CNTN5: variants seen among roughly 807,000 people sequenced by gnomAD.
CNTN5 encodes contactin-5.
CNTN5 carries 77 observed loss-of-function variants against 129.1 expected under a neutral mutation model. That is an observed-to-expected ratio of 0.60 (90% confidence interval 0.50 to 0.72). The LOEUF (loss-of-function observed/expected upper bound fraction) is 0.72, where lower values mean the gene tolerates loss of function less well. Ranked by LOEUF, CNTN5 falls within the 30% of genes least tolerant of loss-of-function variation. CNTN5 has a pLI of 0.00. For synonymous variants in CNTN5, 509 were observed against 465.6 expected (o/e 1.09, Z -1.20); for missense variants, 1,478 against 1,328.8 (o/e 1.11, Z -1.75).
chr11:100,078,227 G>A (rs1452656481), intron 13 of CNTN5, among the ~76,000 whole-genome samples: 1 of 151,874 alleles, frequency 6.6e-6, no homozygotes, highest in African/African-American at 2.4e-5. Context: ...TTTTTTATGT[G>A]TATATATTTT....
chr11:99,798,806 T>C (rs1454319954), intron 3 of CNTN5, among the ~76,000 whole-genome samples: 1 of 152,090 alleles, frequency 6.6e-6, no homozygotes, highest in African/African-American at 2.4e-5. Flanking sequence ...TGAAGAATGA[T>C]GTTTGTACGT....
chr11:99,433,409 G>GTGTGTGTCTT (rs1565578718), intron 2 of CNTN5, among the ~76,000 whole-genome samples: 107 of 147,940 alleles, frequency 7.2e-4, no homozygotes, highest in African/African-American at 2.1e-3. Context: ...GTGTCTTTGT[G>GTGTGTGTCTT]TGTGTGTGTG....
At chr11:99,109,347 T>C (rs1289526029) in intron 1 of CNTN5, among the ~76,000 whole-genome samples, 1 of 152,114 alleles carries the variant, frequency 6.6e-6, no homozygotes, top group African/African-American at 2.4e-5. Flanking sequence ...TGTGTAGAAC[T>C]CCTCGCAGTT....
intron 2 of CNTN5, among the ~76,000 whole-genome samples, chr11:99,524,638 C>T (rs909375837): frequency 1.3e-5 from 2 of 151,852 alleles, no homozygotes; most frequent in African/African-American, 2.4e-5. Context: ...ATGGTGAAAA[C>T]CCATCTCTAC....
chr11:100,179,228 C>T (rs1478386476), intron 13 of CNTN5, among the ~76,000 whole-genome samples: 1 of 151,904 alleles, frequency 6.6e-6, no homozygotes, highest in African/African-American at 2.4e-5. Flanking sequence ...TCCCCTACTC[C>T]CATGCTGCCA....
At chr11:99,420,067 T>C (rs1350542046) in intron 2 of CNTN5, among the ~76,000 whole-genome samples, 1 of 152,016 alleles carries the variant, frequency 6.6e-6, no homozygotes, top group Admixed American at 6.6e-5. Flanking sequence ...AACAGACATG[T>C]CTAGTGTTAA....
chr11:100,220,939 G>C (rs56072353), intron 15 of CNTN5, among the ~76,000 whole-genome samples: 207 of 152,322 alleles, frequency 1.4e-3, no homozygotes, highest in Middle Eastern at 3.4e-3. Flanking sequence ...AGGAAAGGAA[G>C]CAAGCCTTCA....
intron 3 of CNTN5, among the ~76,000 whole-genome samples, chr11:99,600,431 G>T (rs1261252202): frequency 6.6e-6 from 1 of 152,138 alleles, no homozygotes; most frequent in Non-Finnish European, 1.5e-5. Context: ...TTTACCTCAT[G>T]TTAATTAGGT....
chr11:99,442,172 C>CTA (rs1290791755), intron 2 of CNTN5, among the ~76,000 whole-genome samples: 1 of 152,112 alleles, frequency 6.6e-6, no homozygotes, highest in Non-Finnish European at 1.5e-5. Context: ...GCTATGAGGG[C>CTA]TATATATATT....
Position 99,987,680 on chromosome 11 carries a change from T to C in CNTN5, c.878-14354T>C, listed in dbSNP as rs568115972. ...AAGTAGAACTTAATTGACTACAAAA[T>C]TGGGAATGGGTAAATAAATTCTTCC... On this transcript the variant is annotated intron_variant, in intron 8 of 24. Transcript: ENST00000524871. 2.0e-5 allele frequency among the ~76,000 whole-genome samples: 3 copies of C among 152,020 alleles called. No individual in the cohort carries two copies. The South Asian group carries it at 6.2e-4, about 32-fold the overall frequency.
rs111464728 is a variant in CNTN5 at position 100,025,665 on chromosome 11, T to A, written c.980+23529T>A. On this transcript the variant is annotated intron_variant, in intron 9 of 24. Transcript: ENST00000524871. Reference sequence around the variant, plus strand: ...AACACCATGGGAACCCACCTTTTGCTTCAGCATGACCTGGAAGTGAGATAC... The same window carrying A: ...AACACCATGGGAACCCACCTTTTGCATCAGCATGACCTGGAAGTGAGATAC... Among the ~76,000 whole-genome samples, 1,460 of 152,324 alleles carry A rather than the reference T, an allele frequency of 9.6e-3. 17 individuals carry two copies. Among genetic ancestry groups the A allele is most frequent in the African/African-American group, 0.033 (1,390 of 41,584 alleles).
intron 3 of CNTN5, among the ~76,000 whole-genome samples, chr11:99,684,863 T>G (rs1953719540): frequency 1.3e-5 from 2 of 151,744 alleles, no homozygotes; most frequent in South Asian, 4.1e-4. Flanking sequence ...CCATTGGTGA[T>G]TCTTCAAAAA....
intron 3 of CNTN5, among the ~76,000 whole-genome samples, chr11:99,778,872 A>G (rs1945216529): frequency 6.6e-6 from 1 of 151,668 alleles, no homozygotes; most frequent in Admixed American, 6.6e-5. Context: ...TTAAATTTAT[A>G]AAAGAATATG....
intron 7 of CNTN5, among the ~76,000 whole-genome samples, chr11:99,950,152 T>A (rs1207383969): frequency 6.6e-6 from 1 of 152,226 alleles, no homozygotes; most frequent in East Asian, 1.9e-4. Context: ...ACAAGTATTC[T>A]CTTTTGCATT....
intron 1 of CNTN5, among the ~76,000 whole-genome samples, chr11:99,048,218 A>T (rs1394669976): frequency 6.6e-6 from 1 of 152,120 alleles, no homozygotes; most frequent in East Asian, 1.9e-4. Flanking sequence ...GGTAAAGTCC[A>T]AGGTGACCCA....
intron 6 of CNTN5, among the ~76,000 whole-genome samples, chr11:99,899,652 T>C (rs1236270671): frequency 6.6e-6 from 1 of 152,074 alleles, no homozygotes; most frequent in Admixed American, 6.6e-5. Context: ...GAGTTTTGCA[T>C]TGATGTTAAT....
intron 2 of CNTN5, among the ~76,000 whole-genome samples, chr11:99,552,989 G>T (rs1948544797): frequency 6.6e-6 from 1 of 152,098 alleles, no homozygotes; most frequent in African/African-American, 2.4e-5. Flanking sequence ...ATTTGTACAT[G>T]CAGTCAACCT....
chr11:99,786,278 C>T (rs1945520479), intron 3 of CNTN5, among the ~76,000 whole-genome samples: 2 of 152,020 alleles, frequency 1.3e-5, no homozygotes, highest in Non-Finnish European at 2.9e-5. Flanking sequence ...GAATAAAATA[C>T]CTAGGAATCC....
chr11:99,927,762 A>C (rs1406073317), intron 7 of CNTN5, among the ~76,000 whole-genome samples: 1 of 152,142 alleles, frequency 6.6e-6, no homozygotes, highest in Non-Finnish European at 1.5e-5. Flanking sequence ...ATGGAGACAC[A>C]GCCAAATCAT....
Sources: allele counts gnomAD v4.1 joint callset (sites outside exome capture counted in the v4.1 genomes callset), GRCh38; gene constraint gnomAD v4.1.1; transcripts MANE v1.5; gene names NCBI Gene and HGNC (gene_info 2026-07-23, HGNC 2026-07-21).